The following LTBP1 variants were observed in gnomAD, a reference collection of about 807,000 sequenced individuals.
The protein encoded by LTBP1 is latent transforming growth factor beta binding protein 1.
In LTBP1, 129 loss-of-function variants were observed where a neutral mutation model predicts 207.6. The ratio of observed to expected loss-of-function variants is 0.62; its 90% CI spans 0.54 to 0.72. LTBP1 has a LOEUF of 0.72. Ranked by LOEUF, LTBP1 falls within the 30% of genes least tolerant of loss-of-function variation. LTBP1 has a pLI of 0.00. For synonymous variants in LTBP1, 963 were observed against 833.7 expected, an observed-to-expected ratio of 1.16 and a Z score of -2.67; for missense variants, 2,281 against 2,217.2, an observed-to-expected ratio of 1.03 and a Z score of -0.58.
At chr2:33,367,820 G>A (rs2095012202) in intron 31 of LTBP1, among the ~76,000 whole-genome samples, 1 of 152,150 alleles carries the variant, frequency 6.6e-6, no homozygotes, top group African/African-American at 2.4e-5. Context: ...AGATGGGGCA[G>A]GGAAAGGTTA....
rs2148153611 is a variant in LTBP1, at chr2:32,947,541, A to C, written c.217A>C (p.Ser73Arg). 1 of 1,385,346 alleles carries C rather than the reference A, an allele frequency of 7.2e-7. No individual in the cohort carries two copies. Among genetic ancestry groups the C allele is most frequent in the Non-Finnish European group, 9.3e-7 (1 of 1,071,840 alleles). 85.8% of individuals were successfully genotyped at this position (1,385,346 alleles called of 1,614,324 possible). The change falls in exon 1 of 34, where the codon AGC becomes CGC. Residue 73 changes from serine (S) to arginine (R), a missense_variant. Ser to Arg is a moderately radical substitution (Grantham distance 110). Coordinates refer to ENST00000404816, the MANE Select transcript of LTBP1 (RefSeq NM_206943.4). ...CAGCTCGGCGGCTGCCGGCGCCCCC[A>C]GCCGTGCCTCCCCCGGGGTCCCCTC... Reference protein sequence around the residue: ...SRSSAAAGAPSRASPGVPSER... With the variant: ...SRSSAAAGAPRRASPGVPSER...
intron 4 of LTBP1, among the ~76,000 whole-genome samples, chr2:33,129,139 G>C (rs922142448): frequency 6.6e-6 from 1 of 152,156 alleles, no homozygotes; most frequent in Non-Finnish European, 1.5e-5. Context: ...AAGTACAGTT[G>C]GTAATAAAAG....
At chr2:33,064,133 G>A (rs868130571) in intron 3 of LTBP1, among the ~76,000 whole-genome samples, 2 of 152,232 alleles carry the variant, frequency 1.3e-5, no homozygotes, top group East Asian at 1.9e-4. Flanking sequence ...GATTACAGGC[G>A]TGAGCCACTG....
intron 9 of LTBP1, among the ~76,000 whole-genome samples, chr2:33,228,082 GGC>G: frequency 1.3e-5 from 2 of 152,022 alleles, no homozygotes; most frequent in Non-Finnish European, 2.9e-5. Context: ...TGGGATTACA[GGC>G]ATGAGCCACC....
chr2:33,365,606 C>T, intron 31 of LTBP1, 103 bp downstream of exon 31: 1 of 1,110,420 alleles, frequency 9.0e-7, no homozygotes, highest in Non-Finnish European at 1.3e-6. Context: ...GCCTTCACTC[C>T]TGATATCTTA....
At chr2:33,105,503 C>T (rs1302362256) in intron 3 of LTBP1, among the ~76,000 whole-genome samples, 1 of 150,898 alleles carries the variant, frequency 6.6e-6, no homozygotes. Flanking sequence ...TTGGCATGAT[C>T]TTGGCTCATT....
At chr2:33,019,617 G>C (rs1019861760) in intron 2 of LTBP1, among the ~76,000 whole-genome samples, 4 of 152,096 alleles carry the variant, frequency 2.6e-5, no homozygotes, top group African/African-American at 9.7e-5. Context: ...TTACAGGCGT[G>C]AGCCACTGTG....
chr2:32,971,776 G>C (rs1274565007), intron 2 of LTBP1, among the ~76,000 whole-genome samples: 2 of 152,126 alleles, frequency 1.3e-5, no homozygotes, highest in East Asian at 3.9e-4. Flanking sequence ...CTGTTTGTGT[G>C]TCTCTGCCAA....
At chr2:33,193,428 C>G (rs2088147807) in intron 7 of LTBP1, among the ~76,000 whole-genome samples, 1 of 152,210 alleles carries the variant, frequency 6.6e-6, no homozygotes. Context: ...AGGCATGAGC[C>G]ACCGCACCCA....
intron 9 of LTBP1, among the ~76,000 whole-genome samples, chr2:33,238,996 A>G: frequency 6.6e-6 from 1 of 152,184 alleles, no homozygotes. Context: ...TACCTGGTTA[A>G]TAAAAGCCCA....
intron 4 of LTBP1, among the ~76,000 whole-genome samples, chr2:33,112,415 T>TC (rs1473107630): frequency 6.6e-6 from 1 of 152,240 alleles, no homozygotes; most frequent in Non-Finnish European, 1.5e-5. Flanking sequence ...TCCATATCTT[T>TC]CCCGCTCATC....
At chr2:33,042,322 G>C (rs1024488620) in intron 3 of LTBP1, among the ~76,000 whole-genome samples, 4 of 152,204 alleles carry the variant, frequency 2.6e-5, no homozygotes, top group African/African-American at 9.6e-5. Flanking sequence ...CATGCTCTAG[G>C]AGTGGTTGCC....
At chr2:33,184,004 G>T (rs1331736857) in intron 5 of LTBP1, among the ~76,000 whole-genome samples, 1 of 151,900 alleles carries the variant, frequency 6.6e-6, no homozygotes, top group Non-Finnish European at 1.5e-5. Context: ...CCTCTTCCTT[G>T]GCCTGCTCTT....
intron 7 of LTBP1, among the ~76,000 whole-genome samples, chr2:33,209,033 A>T (rs944874866): frequency 6.6e-6 from 1 of 151,510 alleles, no homozygotes; most frequent in East Asian, 1.9e-4. Context: ...AAGCTTGGCT[A>T]TTTTTTTGTG....
chr2:33,390,450 A>G (rs1030320711), intron 32 of LTBP1, among the ~76,000 whole-genome samples: 5 of 152,124 alleles, frequency 3.3e-5, no homozygotes, highest in African/African-American at 4.8e-5. Context: ...AGCCTCGTCC[A>G]CAGCTCACAG....
intron 5 of LTBP1, among the ~76,000 whole-genome samples, chr2:33,150,978 G>A (rs2150987875): frequency 6.6e-6 from 1 of 152,086 alleles, no homozygotes; most frequent in South Asian, 2.1e-4. Flanking sequence ...GTCCTCAAGT[G>A]ATCCATCTGC....
chr2:32,995,964 C>T (rs956992720), intron 2 of LTBP1, among the ~76,000 whole-genome samples: 2 of 152,080 alleles, frequency 1.3e-5, no homozygotes, highest in Non-Finnish European at 2.9e-5. Flanking sequence ...CCTGAGTCTT[C>T]GTAATCTTAC....
intron 23 of LTBP1, among the ~76,000 whole-genome samples, chr2:33,312,303 A>G (rs2094199711): frequency 6.6e-6 from 1 of 152,192 alleles, no homozygotes; most frequent in Non-Finnish European, 1.5e-5. Context: ...ACCTTACCTA[A>G]TGTTCTGAAA....
At chr2:33,090,486 C>T (rs1442245185) in intron 3 of LTBP1, among the ~76,000 whole-genome samples, 5 of 152,036 alleles carry the variant, frequency 3.3e-5, no homozygotes, top group Non-Finnish European at 4.4e-5. Context: ...TACTGAATGC[C>T]GAGTGTGTGT....
Sources: gnomAD v4.1 joint callset for allele counts (sites outside exome capture counted in the v4.1 genomes callset) on GRCh38, gnomAD v4.1.1 for gene constraint, MANE v1.5 for transcripts, NCBI Gene and HGNC (gene_info 2026-07-23, HGNC 2026-07-21) for gene names.